The following LIPI variants were observed in gnomAD, a reference collection of about 807,000 sequenced individuals.
LIPI encodes the protein lipase member I.
Under a neutral mutation model 50.6 loss-of-function variants are expected in LIPI, and 59 were observed. The observed-to-expected ratio is 1.16, with a 90% CI of 0.94 to 1.45. The LOEUF (loss-of-function observed/expected upper bound fraction) is 1.45. LIPI is among the 40% of genes most tolerant of loss of function. LIPI has a pLI of 0.00. For synonymous variants in LIPI, 203 were observed against 178.2 expected, an observed-to-expected ratio of 1.14 and a Z score of -1.11; for missense variants, 586 against 536.3, an observed-to-expected ratio of 1.09 and a Z score of -0.92.
intron 1 of LIPI, among the ~76,000 whole-genome samples, chr21:14,209,504 T>C (rs532153164): frequency 6.6e-6 from 1 of 152,126 alleles, no homozygotes; most frequent in South Asian, 2.1e-4. Flanking sequence ...ATGCATAGAG[T>C]CTACATGGGT....
At chr21:14,156,368 G>A (rs1568854663) in intron 7 of LIPI, among the ~76,000 whole-genome samples, 1 of 151,680 alleles carries the variant, frequency 6.6e-6, no homozygotes, top group Non-Finnish European at 1.5e-5. Context: ...GCAGAAAAAG[G>A]GTCAAAATGA....
Position 14,189,039 on chromosome 21 carries a change from G to T in LIPI, c.427C>A (p.Leu143Ile). 2 of 1,603,964 alleles carry T rather than the reference G, an allele frequency of 1.2e-6. No individual in the cohort carries two copies. The highest frequency in any genetic ancestry group is 2.2e-5 in the South Asian group (2 of 91,078). The change falls in exon 2 of 10, where the codon CTT becomes ATT. Residue 143 changes from leucine to isoleucine, a missense_variant. Physicochemically the swap from Leu to Ile is conservative, Grantham distance 5. Coordinates refer to ENST00000681601, the MANE Select transcript of LIPI (RefSeq NM_001302998.2). ...AVSLSVHIKN[L>I]LKHGASLDNF... is the part of the protein sequence containing the mutation. The stretch of plus-strand genomic sequence containing the variant: ...CATAAAATTCCCAGACTTACCAAAA[G>T]ATTTTTAATGTGCACACTCAAACTC...
intron 9 of LIPI, among the ~76,000 whole-genome samples, chr21:14,123,882 G>A (rs1200298442): frequency 6.6e-6 from 1 of 152,176 alleles, no homozygotes; most frequent in East Asian, 1.9e-4. Context: ...CTGGCCTCAG[G>A]AGGAGTTTGT....
At chr21:14,121,953 A>G (rs941511325) in intron 9 of LIPI, among the ~76,000 whole-genome samples, 2 of 152,246 alleles carry the variant, frequency 1.3e-5, no homozygotes, top group Admixed American at 6.5e-5. Flanking sequence ...TGACTAGTCT[A>G]CGCATGGCTG....
intron 9 of LIPI, among the ~76,000 whole-genome samples, chr21:14,136,032 C>T (rs1276732533): frequency 6.6e-6 from 1 of 152,200 alleles, no homozygotes; most frequent in African/African-American, 2.4e-5. Flanking sequence ...GTTCCAGGCT[C>T]TAGCTCCTAG....
chr21:14,202,185 A>T (rs929745613), intron 1 of LIPI, among the ~76,000 whole-genome samples: 28 of 152,222 alleles, frequency 1.8e-4, no homozygotes, highest in Non-Finnish European at 3.4e-4. Flanking sequence ...ATAAAAGAGG[A>T]TACAAACAAA....
intron 1 of LIPI, among the ~76,000 whole-genome samples, chr21:14,196,619 G>T (rs557548774): frequency 6.6e-6 from 1 of 152,154 alleles, no homozygotes; most frequent in East Asian, 1.9e-4. Flanking sequence ...TGGAGGCTAG[G>T]AGTTCAAGAC....
rs1321811006 is a variant in LIPI at position 14,189,243 on chromosome 21, T to C, written c.223A>G (p.Lys75Glu). 1.2e-6 allele frequency: 2 copies of C among 1,613,930 alleles called. No homozygotes were observed. Among genetic ancestry groups the C allele is most frequent in the Admixed American group, 1.7e-5 (1 of 59,998 alleles). ...SLNVNFNTQK[K>E]TVWLIHGYRP... is the part of the protein sequence containing the mutation. ...TATCCGTGAATAAGCCAGACTGTTT[T>C]CTTTTGTGTGTTGAAATTAACATTA... The change falls in exon 2 of 10, where the codon AAA (lysine) becomes GAA (glutamate). Residue 75 changes from lysine to glutamate, a missense_variant. Lys to Glu is a moderately conservative substitution (Grantham distance 56). Transcript: ENST00000681601.
At chr21:14,113,535 C>G (rs1176160731) in intron 9 of LIPI, among the ~76,000 whole-genome samples, 1 of 151,790 alleles carries the variant, frequency 6.6e-6, no homozygotes. Flanking sequence ...CCAAAGCTAT[C>G]ATCACACTGT....
intron 1 of LIPI, among the ~76,000 whole-genome samples, chr21:14,193,197 AT>A (rs2019735434): frequency 1.3e-5 from 2 of 152,122 alleles, no homozygotes; most frequent in Admixed American, 1.3e-4. Context: ...TTGGGCTATT[AT>A]TTGTAATCCT....
chr21:14,195,424 T>G (rs183563844), intron 1 of LIPI, among the ~76,000 whole-genome samples: 20 of 152,266 alleles, frequency 1.3e-4, no homozygotes, highest in African/African-American at 4.8e-4. Flanking sequence ...TGGTCAGACT[T>G]TAGTTTAAAT....
At chr21:14,194,241 T>C (rs1172407975) in intron 1 of LIPI, among the ~76,000 whole-genome samples, 1 of 152,172 alleles carries the variant, frequency 6.6e-6, no homozygotes, top group Non-Finnish European at 1.5e-5. Flanking sequence ...GAAAATGGTA[T>C]GGTGGCTCCT....
chr21:14,192,360 G>A lies in LIPI; in HGVS notation c.47-2941C>T, dbSNP rs143440541. Among the ~76,000 whole-genome samples the A allele has an allele frequency of 3.1e-3, 468 of 152,290 alleles. 2 individuals are homozygous for A. The highest frequency in any genetic ancestry group is 0.011 in the African/African-American group (452 of 41,542). ...GGCGCCTGTAATCCCAGCTACTTGG[G>A]AGGCTGAGGCAGGAGAATCACTTGA... On this transcript the variant is annotated intron_variant, in intron 1 of 9. Transcript: ENST00000681601.
At chr21:14,209,225 A>G (rs1248198607) in intron 1 of LIPI, among the ~76,000 whole-genome samples, 1 of 152,164 alleles carries the variant, frequency 6.6e-6, no homozygotes, top group Non-Finnish European at 1.5e-5. Flanking sequence ...TTTTTGATCT[A>G]TCTCTCCTCT....
At chr21:14,121,220 G>C (rs998800507) in intron 9 of LIPI, among the ~76,000 whole-genome samples, 1 of 152,178 alleles carries the variant, frequency 6.6e-6, no homozygotes, top group Admixed American at 6.5e-5. Flanking sequence ...TACAGCAACT[G>C]ACTCAGATCT....
intron 9 of LIPI, among the ~76,000 whole-genome samples, chr21:14,125,519 A>C (rs1371353026): frequency 2.7e-5 from 4 of 150,932 alleles, no homozygotes; most frequent in Non-Finnish European, 6.0e-5. Context: ...CCGAACAGAA[A>C]ACAAAACAGC....
intron 9 of LIPI, among the ~76,000 whole-genome samples, chr21:14,129,899 A>G (rs1161785984): frequency 6.6e-6 from 1 of 151,832 alleles, no homozygotes; most frequent in Non-Finnish European, 1.5e-5. Context: ...AAAAACATAC[A>G]TATGGTACTC....
chr21:14,134,238 A>G (rs2017407879), intron 9 of LIPI, among the ~76,000 whole-genome samples: 1 of 152,096 alleles, frequency 6.6e-6, no homozygotes, highest in Non-Finnish European at 1.5e-5. Context: ...CAAAAAAACA[A>G]AACAAAAACA....
chr21:14,123,368 A>G (rs1248661335), intron 9 of LIPI, among the ~76,000 whole-genome samples: 1 of 152,152 alleles, frequency 6.6e-6, no homozygotes, highest in African/African-American at 2.4e-5. Context: ...ACTAGACACT[A>G]CAAATGTTTG....
Sources: allele counts gnomAD v4.1 joint callset (sites outside exome capture counted in the v4.1 genomes callset), GRCh38; gene constraint gnomAD v4.1.1; transcripts MANE v1.5; gene names NCBI Gene and HGNC (gene_info 2026-07-23, HGNC 2026-07-21).